PTK2: variants seen among roughly 807,000 people sequenced by gnomAD.
PTK2 encodes protein tyrosine kinase 2.
In PTK2, 45 loss-of-function variants were observed where a neutral mutation model predicts 150.1. The ratio of observed to expected loss-of-function variants is 0.30; its 90% CI spans 0.24 to 0.38. The LOEUF (loss-of-function observed/expected upper bound fraction) is 0.38. PTK2 is among the 10% of genes least tolerant of loss of function. The pLI is 1.00. For synonymous variants in PTK2, 432 were observed against 449.2 expected, an observed-to-expected ratio of 0.96 and a Z score of 0.48; for missense variants, 919 against 1,307.3, an observed-to-expected ratio of 0.70 and a Z score of 4.58.
chr8:140,850,649 G>A (rs1179996856), intron 5 of PTK2, among the ~76,000 whole-genome samples: 1 of 151,938 alleles, frequency 6.6e-6, no homozygotes, highest in African/African-American at 2.4e-5. Flanking sequence ...AGAATGGCGT[G>A]AACGCGGGAG....
chr8:140,912,859 T>C (rs1192894026), intron 2 of PTK2, among the ~76,000 whole-genome samples: 1 of 151,942 alleles, frequency 6.6e-6, no homozygotes, highest in African/African-American at 2.4e-5. Context: ...GGCAGGAGAA[T>C]AGCTTGAACC....
At chr8:140,967,553 C>T (rs1380280679) in intron 1 of PTK2, among the ~76,000 whole-genome samples, 1 of 151,108 alleles carries the variant, frequency 6.6e-6, no homozygotes, top group Non-Finnish European at 1.5e-5. Context: ...CTCCACCTCC[C>T]AGGTTCAAGC....
chr8:140,659,478 C>G, exon 32 of PTK2: 1 of 1,612,254 alleles, frequency 6.2e-7, no homozygotes, highest in Non-Finnish European at 8.5e-7. Flanking sequence ...AGTGTGGTCT[C>G]GTCTGCCCAA....
intron 15 of PTK2, among the ~76,000 whole-genome samples, chr8:140,763,357 A>AATAT (rs2100070408): frequency 6.6e-6 from 1 of 152,162 alleles, no homozygotes; most frequent in South Asian, 2.1e-4. Flanking sequence ...TTATTTTACA[A>AATAT]ATATATATAG....
At chr8:140,726,397 A>G (rs2100045817) in intron 22 of PTK2, among the ~76,000 whole-genome samples, 3 of 152,234 alleles carry the variant, frequency 2.0e-5, no homozygotes, top group Admixed American at 2.0e-4. Flanking sequence ...ATATGTTTAT[A>G]GATTCAAGAG....
At chr8:140,866,474 C>T (rs2100139359) in intron 4 of PTK2, among the ~76,000 whole-genome samples, 1 of 152,168 alleles carries the variant, frequency 6.6e-6, no homozygotes, top group Admixed American at 6.5e-5. Flanking sequence ...GCATAAGGAA[C>T]ATGGGCTCTA....
intron 5 of PTK2, among the ~76,000 whole-genome samples, chr8:140,858,811 TAAC>T (rs1432658680): frequency 6.6e-6 from 1 of 152,224 alleles, no homozygotes; most frequent in African/African-American, 2.4e-5. Context: ...ACTGGAACCT[TAAC>T]AATATCTAAA....
At chr8:140,702,286 C>G (rs1409953463) in intron 25 of PTK2, among the ~76,000 whole-genome samples, 1 of 143,476 alleles carries the variant, frequency 7.0e-6, no homozygotes, top group African/African-American at 2.6e-5. Flanking sequence ...GTGGCATGAT[C>G]TCGGCTCACT....
At chr8:140,718,865 G>C (rs929456600) in intron 22 of PTK2, 1 of 152,100 alleles carries the variant, frequency 6.6e-6, no homozygotes, top group Non-Finnish European at 1.5e-5. Flanking sequence ...AAACAAAAGG[G>C]AATGTCTGCC....
chr8:140,852,670 A>G (rs1002008407), intron 5 of PTK2, among the ~76,000 whole-genome samples: 39 of 152,242 alleles, frequency 2.6e-4, no homozygotes, highest in South Asian at 2.1e-4. Context: ...TAAAATGTGT[A>G]TATGTTGTAT....
chr8:140,876,148 C>A (rs1466295086), intron 4 of PTK2, among the ~76,000 whole-genome samples: 2 of 152,006 alleles, frequency 1.3e-5, no homozygotes, highest in East Asian at 1.9e-4. Context: ...AAATCAGTTA[C>A]TATCTTGTTT....
chr8:140,833,759 G>A (rs1194015798), intron 7 of PTK2, among the ~76,000 whole-genome samples: 1 of 152,110 alleles, frequency 6.6e-6, no homozygotes, highest in African/African-American at 2.4e-5. Context: ...TATATTAACT[G>A]TCAAAGGATA....
chr8:140,829,777 T>C (rs181903867), intron 8 of PTK2, among the ~76,000 whole-genome samples: 4 of 152,266 alleles, frequency 2.6e-5, no homozygotes, highest in East Asian at 1.9e-4. Flanking sequence ...ATTTTCTTCA[T>C]TGTAGAAATA....
chr8:140,678,213 T>C (rs1489535156), intron 27 of PTK2, among the ~76,000 whole-genome samples: 2 of 151,972 alleles, frequency 1.3e-5, no homozygotes, highest in Non-Finnish European at 2.9e-5. Context: ...TGCCTGGCTA[T>C]GTTTTTGTAT....
chr8:140,808,645 A>C (rs1321823756), intron 10 of PTK2, among the ~76,000 whole-genome samples: 1 of 152,158 alleles, frequency 6.6e-6, no homozygotes, highest in African/African-American at 2.4e-5. Context: ...AAATGAGATA[A>C]AACCCCAGGG....
At chr8:140,807,293 A>C (rs1415890137) in intron 10 of PTK2, among the ~76,000 whole-genome samples, 17 of 152,250 alleles carry the variant, frequency 1.1e-4, no homozygotes, top group Non-Finnish European at 2.9e-5. Flanking sequence ...GAGAGGAGGG[A>C]GGAAATAAAG....
intron 27 of PTK2, among the ~76,000 whole-genome samples, chr8:140,679,652 A>C (rs1303520322): frequency 6.6e-6 from 1 of 152,218 alleles, no homozygotes; most frequent in East Asian, 1.9e-4. Flanking sequence ...ACCTAATAAG[A>C]CAACTGGGTT....
At chr8:140,971,099 C>G (rs1472734739) in intron 1 of PTK2, among the ~76,000 whole-genome samples, 1 of 152,150 alleles carries the variant, frequency 6.6e-6, no homozygotes, top group African/African-American at 2.4e-5. Flanking sequence ...AAAAATTAGT[C>G]TCTAAGAATA....
chr8:140,669,865 A>G, intron 29 of PTK2, 130 bp from the exon 33 acceptor site: 3 of 1,085,594 alleles, frequency 2.8e-6, no homozygotes, highest in South Asian at 1.5e-5. Flanking sequence ...AAAAGGAGCT[A>G]GTTTCCAAGC....
Sources: gnomAD v4.1 joint callset for allele counts (sites outside exome capture counted in the v4.1 genomes callset) on GRCh38, gnomAD v4.1.1 for gene constraint, MANE v1.5 for transcripts, NCBI Gene and HGNC (gene_info 2026-07-23, HGNC 2026-07-21) for gene names.